Variants in FOXP2 observed in about 807,000 individuals in gnomAD.
The protein encoded by FOXP2 is forkhead box P2, also known as forkhead box protein P2.
In FOXP2, 12 loss-of-function variants were observed where a neutral mutation model predicts 115.8. That is an observed-to-expected ratio of 0.10 (90% CI 0.07 to 0.17). The LOEUF is 0.17. Ranked by LOEUF, FOXP2 falls within the 10% of genes least tolerant of loss-of-function variation. FOXP2 has a pLI of 1.00. For missense variants in FOXP2, 629 were observed against 843.5 expected (o/e 0.75, Z 3.15); for synonymous variants, 328 against 297.7 (o/e 1.10, Z -1.05).
chr7:114,618,167 C>T (rs1251613650), intron 3 of FOXP2, among the ~76,000 whole-genome samples: 2 of 152,168 alleles, frequency 1.3e-5, no homozygotes, highest in East Asian at 1.9e-4. Context: ...CATGCATTTA[C>T]TCACCTTCCC....
At chr7:114,110,284 T>G (rs1256649763) in intron 1 of FOXP2, among the ~76,000 whole-genome samples, 1 of 152,148 alleles carries the variant, frequency 6.6e-6, no homozygotes, top group Non-Finnish European at 1.5e-5. Flanking sequence ...ACAGAGAAAC[T>G]TAGGATCTTG....
At chr7:114,324,407 T>C (rs1201797543) in intron 2 of FOXP2, among the ~76,000 whole-genome samples, 1 of 151,966 alleles carries the variant, frequency 6.6e-6, no homozygotes, top group African/African-American at 2.4e-5. Flanking sequence ...CTGGTCTTGT[T>C]GCACATTTGA....
chr7:114,619,695 C>T (rs768946488), intron 3 of FOXP2, among the ~76,000 whole-genome samples: 1 of 151,858 alleles, frequency 6.6e-6, no homozygotes, highest in Non-Finnish European at 1.5e-5. Context: ...TCAAATTATT[C>T]TTTTCCGATT....
chr7:114,176,698 A>G (rs1484991660), intron 1 of FOXP2, among the ~76,000 whole-genome samples: 1 of 141,406 alleles, frequency 7.1e-6, no homozygotes, highest in African/African-American at 2.7e-5. Flanking sequence ...GCTTTTATTG[A>G]ATTTTAACTT....
intron 1 of FOXP2, among the ~76,000 whole-genome samples, chr7:114,115,624 C>A (rs1342094493): frequency 6.6e-6 from 1 of 152,080 alleles, no homozygotes; most frequent in African/African-American, 2.4e-5. Flanking sequence ...CTACTCAACC[C>A]TCTCATCTCA....
Position 114,508,103 on chromosome 7 carries a change from A to T in FOXP2, c.169-26514A>T, listed in dbSNP as rs7798880. Among the ~76,000 whole-genome samples, 1,266 of 152,142 alleles carry T rather than the reference A, an allele frequency of 8.3e-3. 13 individuals are homozygous for T. The highest frequency in any genetic ancestry group is 0.029 in the African/African-American group (1,207 of 41,550). On this transcript the variant is annotated intron_variant, in intron 2 of 16. Coordinates refer to ENST00000350908, the MANE Select transcript of FOXP2 (RefSeq NM_014491.4). ...AGCATACATACTTTTTAAAAAACAT[A>T]TTTTATTAAATAATTAAAGTATTAA...
intron 1 of FOXP2, among the ~76,000 whole-genome samples, chr7:114,248,160 C>T (rs1415797611): frequency 2.0e-5 from 3 of 148,488 alleles, no homozygotes; most frequent in African/African-American, 5.0e-5. Flanking sequence ...CAGGAGAAGA[C>T]CAGTGTCCCA....
intron 1 of FOXP2, among the ~76,000 whole-genome samples, chr7:114,234,474 CA>C (rs1794961301): frequency 1.3e-5 from 2 of 152,190 alleles, no homozygotes; most frequent in Non-Finnish European, 2.9e-5. Flanking sequence ...GAATGAGGTA[CA>C]GGTTGTTTAA....
chr7:114,634,226 C>T (rs1805088226), intron 6 of FOXP2, among the ~76,000 whole-genome samples: 1 of 152,116 alleles, frequency 6.6e-6, no homozygotes, highest in African/African-American at 2.4e-5. Context: ...TAACCCCTGA[C>T]CTCAAGTGAT....
At chr7:114,264,566 A>T (rs192530075) in intron 1 of FOXP2, among the ~76,000 whole-genome samples, 7 of 152,306 alleles carry the variant, frequency 4.6e-5, no homozygotes, top group African/African-American at 1.7e-4. Context: ...TTGTTTACAC[A>T]TATTACCTGT....
chr7:114,217,147 A>G (rs1007953768), intron 1 of FOXP2, among the ~76,000 whole-genome samples: 1 of 152,308 alleles, frequency 6.6e-6, no homozygotes, highest in Admixed American at 6.5e-5. Context: ...TTAACAAAAA[A>G]GGAAGTAAAA....
chr7:114,575,512 C>T (rs754416902), intron 3 of FOXP2, among the ~76,000 whole-genome samples: 55 of 151,982 alleles, frequency 3.6e-4, no homozygotes, highest in Non-Finnish European at 5.6e-4. Flanking sequence ...AAGTTGAATA[C>T]TGACTTGTTC....
chr7:114,225,320 T>G (rs1403102467), intron 1 of FOXP2, among the ~76,000 whole-genome samples: 1 of 150,638 alleles, frequency 6.6e-6, no homozygotes, highest in South Asian at 2.2e-4. Context: ...CCCCTCCCCC[T>G]TTCTTTCCTT....
intron 2 of FOXP2, among the ~76,000 whole-genome samples, chr7:114,390,806 C>T (rs922791921): frequency 6.6e-6 from 1 of 152,040 alleles, no homozygotes; most frequent in Non-Finnish European, 1.5e-5. Context: ...GATTGCCTGC[C>T]TTGGCCCTGC....
intron 2 of FOXP2, among the ~76,000 whole-genome samples, chr7:114,379,905 A>G (rs1792241665): frequency 6.6e-6 from 1 of 151,916 alleles, no homozygotes; most frequent in Non-Finnish European, 1.5e-5. Context: ...AGGCAAAAAT[A>G]TTTTTCCTTC....
At chr7:114,103,197 C>T (rs533372268) in intron 1 of FOXP2, among the ~76,000 whole-genome samples, 52 of 151,926 alleles carry the variant, frequency 3.4e-4, no homozygotes, top group Non-Finnish European at 6.9e-4. Flanking sequence ...TGTCACAATC[C>T]AGAGGTATTT....
At chr7:114,191,365 T>C (rs935284963) in intron 1 of FOXP2, among the ~76,000 whole-genome samples, 1 of 152,186 alleles carries the variant, frequency 6.6e-6, no homozygotes, top group African/African-American at 2.4e-5. Flanking sequence ...AGAGAGGACA[T>C]GCCCTGTGGC....
chr7:114,200,409 TG>T (rs1204152725), intron 1 of FOXP2, among the ~76,000 whole-genome samples: 8 of 152,196 alleles, frequency 5.3e-5, no homozygotes, highest in Admixed American at 5.2e-4. Flanking sequence ...TTCACTTTAC[TG>T]GATATAATTG....
At chr7:114,142,024 A>G (rs2129147177) in intron 1 of FOXP2, among the ~76,000 whole-genome samples, 1 of 149,632 alleles carries the variant, frequency 6.7e-6, no homozygotes, top group Non-Finnish European at 1.5e-5. Flanking sequence ...GTTTTAAAGA[A>G]TTAGATTGTT....
Sources: allele counts gnomAD v4.1 joint callset (sites outside exome capture counted in the v4.1 genomes callset), GRCh38; gene constraint gnomAD v4.1.1; transcripts MANE v1.5; gene names NCBI Gene and HGNC (gene_info 2026-07-23, HGNC 2026-07-21).